XXYLT1: variants seen among roughly 807,000 people sequenced by gnomAD.
The protein encoded by XXYLT1 is xyloside xylosyltransferase 1, also known as UDP-xylose:alpha-xyloside alpha-1,3-xylosyltransferase.
Under a neutral mutation model 28.9 loss-of-function variants are expected in XXYLT1, and 20 were observed. That is an observed-to-expected ratio of 0.69 (90% CI 0.49 to 1.00). The LOEUF (loss-of-function observed/expected upper bound fraction) is 1.00. Among genes scored for constraint, XXYLT1 ranks in the 50% least tolerant of loss-of-function variants. The pLI is 0.00. For synonymous variants in XXYLT1, 257 were observed against 253.8 expected (o/e 1.01, Z -0.12); for missense variants, 542 against 560.1 (o/e 0.97, Z 0.33).
intron 2 of XXYLT1, among the ~76,000 whole-genome samples, chr3:195,158,916 G>C (rs116287455): frequency 6.6e-6 from 1 of 152,226 alleles, no homozygotes; most frequent in Non-Finnish European, 1.5e-5. Context: ...TGAGGTAGCT[G>C]TCTCTCTGTG....
rs3073344 is a variant in XXYLT1 at position 195,127,772 on chromosome 3, A to ATG, written c.785+28675_785+28676dup. The stretch of plus-strand genomic sequence containing the variant: ...ACCTTGGGTGACAGAGTGAGACAAA[A>ATG]TGTGTGTGTGTGTGTAATTTTTCTG... On this transcript the variant is annotated intron_variant, in intron 3 of 3. Transcript: ENST00000310380. 7.9e-4 allele frequency among the ~76,000 whole-genome samples: 119 copies of ATG among 151,550 alleles called. 1 individual carries two copies. The highest frequency in any genetic ancestry group is 2.5e-3 in the African/African-American group (104 of 41,310).
chr3:195,161,815 A>T (rs1720887533), intron 2 of XXYLT1, among the ~76,000 whole-genome samples: 1 of 151,860 alleles, frequency 6.6e-6, no homozygotes, highest in Non-Finnish European at 1.5e-5. Flanking sequence ...ACGGGGTTTC[A>T]CCATGTTGGC....
intron 1 of XXYLT1, among the ~76,000 whole-genome samples, chr3:195,258,370 A>G (rs1296339751): frequency 1.1e-4 from 16 of 152,250 alleles, no homozygotes; most frequent in Non-Finnish European, 4.4e-5. Flanking sequence ...CTGATGCCCA[A>G]AAATGACTAT....
chr3:195,246,019 G>A (rs1053985800), intron 1 of XXYLT1, among the ~76,000 whole-genome samples: 4 of 152,088 alleles, frequency 2.6e-5, no homozygotes, highest in South Asian at 2.1e-4. Context: ...TTATAGCAAC[G>A]CAAAAATGGT....
chr3:195,139,884 C>T (rs1264872261), intron 3 of XXYLT1, among the ~76,000 whole-genome samples: 2 of 152,176 alleles, frequency 1.3e-5, no homozygotes, highest in Non-Finnish European at 2.9e-5. Flanking sequence ...CAGATGAGGA[C>T]CCCTCCCAGC....
chr3:195,207,593 C>G (rs1462234843), intron 2 of XXYLT1: 1 of 406,566 alleles, frequency 2.5e-6, no homozygotes, highest in Non-Finnish European at 5.0e-6. Flanking sequence ...TGGCACTTCA[C>G]AGCTCTCTCT....
In XXYLT1 at chr3:195,150,834, GCACACTCTCT is replaced by G. The variant is rs1314191990; in HGVS notation, c.785+5605_785+5614del. 2.6e-3 allele frequency among the ~76,000 whole-genome samples: 333 copies of G among 130,430 alleles called. 5 individuals are homozygous for G. The East Asian group carries it at 0.035, about 14-fold the overall frequency. The allele number at this position is 130,430 out of a possible 152,430, so 85.6% of individuals were successfully genotyped here. On this transcript the variant is annotated intron_variant, in intron 3 of 3. Coordinates refer to ENST00000310380, the MANE Select transcript of XXYLT1 (RefSeq NM_152531.5). This position sits in a 1 kb window ranked among gnomAD's most constrained non-coding sequence, Gnocchi z 4.7. ...CACATACACACACACTCACACATAC[GCACACTCTCT>G]CACACACTCTCACACACACACACAC...
intron 2 of XXYLT1, among the ~76,000 whole-genome samples, chr3:195,203,106 C>T (rs569343232): frequency 1.3e-5 from 2 of 151,972 alleles, no homozygotes; most frequent in Non-Finnish European, 2.9e-5. Flanking sequence ...ACCACACCTG[C>T]CCACAACACA....
rs533364718 is a variant in XXYLT1 at position 195,150,354 on chromosome 3, T to C, written c.785+6095A>G. ...AGTCCACACCCTCCCTTCTTCCCTC[T>C]GTGCTGGCGCTCACTCCCTCCCCAA... is the stretch of plus-strand genomic sequence containing the variant. On this transcript the variant is annotated intron_variant, in intron 3 of 3. Transcript: ENST00000310380. The surrounding 1 kb of genome is among the most constrained non-coding windows in gnomAD (Gnocchi z 4.7). Among the ~76,000 whole-genome samples, 1 of 152,178 alleles carries C rather than the reference T, an allele frequency of 6.6e-6. No individual in the cohort carries two copies. Among genetic ancestry groups the C allele is most frequent in the Non-Finnish European group, 1.5e-5 (1 of 68,014 alleles).
chr3:195,124,183 C>T lies in XXYLT1; in HGVS notation c.785+32266G>A, dbSNP rs74844666. On this transcript the variant is annotated intron_variant, in intron 3 of 3. Transcript: ENST00000310380. The surrounding 1 kb of genome is among the most constrained non-coding windows in gnomAD (Gnocchi z 4.1). Reference sequence around the variant, plus strand: ...CGAGAAGTGTGGGTCTAGACCACAGCCCTCATTTTACAGACAAAGAGACAG... The same window carrying T: ...CGAGAAGTGTGGGTCTAGACCACAGTCCTCATTTTACAGACAAAGAGACAG... Among the ~76,000 whole-genome samples the T allele has an allele frequency of 0.034, 5,232 of 152,308 alleles. 134 individuals are homozygous for T. Among genetic ancestry groups the T allele is most frequent in the Middle Eastern group, 0.12 (35 of 294 alleles).
At chr3:195,228,431 G>A (rs1212416126) in intron 1 of XXYLT1, among the ~76,000 whole-genome samples, 2 of 150,122 alleles carry the variant, frequency 1.3e-5, no homozygotes, top group East Asian at 2.0e-4. Context: ...TCGTGGCCCT[G>A]TAAACCACCG....
chr3:195,103,170 G>A (rs1577028225), intron 3 of XXYLT1, among the ~76,000 whole-genome samples: 1 of 152,248 alleles, frequency 6.6e-6, no homozygotes, highest in African/African-American at 2.4e-5. Context: ...GGGAGCCTAG[G>A]AACGCTGGAC....
rs931749074 is a variant in XXYLT1, at chr3:195,087,990, C to T, written c.786-17879G>A. ...GCGCTTTTCCAACGGGCTTAAAAAA[C>T]GGCGCACCACGAGATTACATCCCGC... is the stretch of plus-strand genomic sequence containing the variant. On this transcript the variant is annotated intron_variant, in intron 3 of 3. Coordinates refer to ENST00000310380, the MANE Select transcript of XXYLT1 (RefSeq NM_152531.5). Among the ~76,000 whole-genome samples, 16 of 152,204 alleles carry T rather than the reference C, an allele frequency of 1.1e-4. No homozygotes were observed. In the East Asian group the frequency reaches 1.7e-3, roughly 17 times the overall value.
At position 195,187,060 on chromosome 3, in the gene XXYLT1, A is replaced by C. The variant is rs1293804351; in HGVS notation, c.653-30479T>G. On this transcript the variant is annotated intron_variant, in intron 2 of 3. Coordinates refer to ENST00000310380, the MANE Select transcript of XXYLT1 (RefSeq NM_152531.5). ...CAGGTGCCCACCACCGTGCCCAGCT[A>C]ATTTTTATATTTTTAATAGAGACGG... is the stretch of plus-strand genomic sequence containing the variant. Among the ~76,000 whole-genome samples the C allele has an allele frequency of 6.6e-5, 10 of 150,800 alleles. 1 individual carries two copies. Among genetic ancestry groups the C allele is most frequent in the Admixed American group, 6.6e-4 (10 of 15,166 alleles).
chr3:195,229,088 A>G (rs1460809456), intron 1 of XXYLT1, among the ~76,000 whole-genome samples: 1 of 152,198 alleles, frequency 6.6e-6, no homozygotes, highest in East Asian at 1.9e-4. Context: ...GTTGGATTAC[A>G]GGTATGAGCC....
intron 3 of XXYLT1, among the ~76,000 whole-genome samples, chr3:195,128,563 C>T (rs539365281): frequency 1.3e-5 from 2 of 152,290 alleles, no homozygotes; most frequent in African/African-American, 2.4e-5. Context: ...CTGCACACCC[C>T]GGGCTCCTGG....
intron 2 of XXYLT1, among the ~76,000 whole-genome samples, chr3:195,182,359 C>T (rs1457862421): frequency 6.6e-6 from 1 of 152,234 alleles, no homozygotes; most frequent in African/African-American, 2.4e-5. Context: ...AGGACAACTA[C>T]ATAAAGCAAC....
At chr3:195,090,653 A>C (rs1243979924) in intron 3 of XXYLT1, among the ~76,000 whole-genome samples, 1 of 149,066 alleles carries the variant, frequency 6.7e-6, no homozygotes, top group Non-Finnish European at 1.5e-5. Context: ...AAAAGCTAGC[A>C]GAAGGCAAGA....
At chr3:195,120,288 C>CCCA (rs1553805996) in intron 3 of XXYLT1, among the ~76,000 whole-genome samples, 1 of 142,278 alleles carries the variant, frequency 7.0e-6, no homozygotes, top group Non-Finnish European at 1.6e-5. Context: ...TCAGATGCCC[C>CCCA]CCCCGCCCCA....
Sources: allele counts gnomAD v4.1 joint callset (sites outside exome capture counted in the v4.1 genomes callset), GRCh38; gene constraint gnomAD v4.1.1; non-coding constraint Gnocchi (gnomAD v3.1); transcripts MANE v1.5; gene names NCBI Gene and HGNC (gene_info 2026-07-23, HGNC 2026-07-21).